MYOCD: variants seen among roughly 807,000 people sequenced by gnomAD.
MYOCD encodes the protein myocardin.
A neutral mutation model predicts 96.1 loss-of-function variants in MYOCD; 32 were observed. The observed-to-expected ratio is 0.33, with a 90% CI of 0.25 to 0.45. The LOEUF is 0.45. Ranked by LOEUF, MYOCD falls within the 20% of genes least tolerant of loss-of-function variation. MYOCD has a pLI of 1.00. For synonymous variants in MYOCD, 469 were observed against 469.0 expected (o/e 1.00, Z 0.00); for missense variants, 1,133 against 1,200.6 (o/e 0.94, Z 0.83).
At chr17:12,727,560 G>A (rs1255101582) in intron 5 of MYOCD, among the ~76,000 whole-genome samples, 2 of 152,156 alleles carry the variant, frequency 1.3e-5, no homozygotes, top group East Asian at 3.9e-4. Context: ...CCCTGTCCAC[G>A]TGCCTTTCCA....
At chr17:12,678,548 G>A (rs1398951542) in intron 1 of MYOCD, among the ~76,000 whole-genome samples, 2 of 152,126 alleles carry the variant, frequency 1.3e-5, no homozygotes, top group Non-Finnish European at 2.9e-5. Context: ...GAGAGAGAGA[G>A]AGAGAAAACA....
chr17:12,689,054 G>A (rs540175873), intron 1 of MYOCD, among the ~76,000 whole-genome samples: 8 of 152,012 alleles, frequency 5.3e-5, no homozygotes, highest in Non-Finnish European at 1.2e-4. Context: ...TCCTATTCCC[G>A]TTATCTTTTC....
At chr17:12,697,359 A>ATATATT (rs1427225443) in intron 1 of MYOCD, among the ~76,000 whole-genome samples, 1 of 75,738 alleles carries the variant, frequency 1.3e-5, no homozygotes, top group Non-Finnish European at 2.3e-5. Flanking sequence ...ATATATATAT[A>ATATATT]TTTTTTTTTT....
chr17:12,747,914 G>A (rs1341466507), intron 9 of MYOCD, among the ~76,000 whole-genome samples: 4 of 147,060 alleles, frequency 2.7e-5, no homozygotes, highest in Non-Finnish European at 4.5e-5. Context: ...GCCTATAATC[G>A]CAGCACTTTG....
intron 5 of MYOCD, among the ~76,000 whole-genome samples, chr17:12,733,178 C>T (rs2032228842): frequency 6.6e-6 from 1 of 151,864 alleles, no homozygotes; most frequent in African/African-American, 2.4e-5. Flanking sequence ...GATGTGGTGG[C>T]AGGTGCCTGT....
intron 1 of MYOCD, among the ~76,000 whole-genome samples, chr17:12,681,388 T>C (rs577349180): frequency 2.6e-5 from 4 of 152,340 alleles, no homozygotes; most frequent in African/African-American, 9.6e-5. Flanking sequence ...AGAATTCCTT[T>C]TGAGGCATGA....
At chr17:12,757,746 G>C (rs2033053427) in intron 11 of MYOCD, among the ~76,000 whole-genome samples, 1 of 151,992 alleles carries the variant, frequency 6.6e-6, no homozygotes, top group African/African-American at 2.4e-5. Context: ...TGCCCACCTC[G>C]GCCTCCCAAA....
chr17:12,725,703 ATTATG>A (rs2031978057), intron 5 of MYOCD, among the ~76,000 whole-genome samples: 2 of 151,362 alleles, frequency 1.3e-5, no homozygotes, highest in Admixed American at 6.6e-5. Flanking sequence ...TATGTTTTAT[ATTATG>A]TTATAATGTC....
intron 12 of MYOCD, 188 bp from the exon 13 acceptor site, chr17:12,760,462 A>G (rs1468908973): frequency 1.8e-6 from 1 of 567,314 alleles, no homozygotes; most frequent in African/African-American, 1.9e-5. Flanking sequence ...AATGTACTTA[A>G]TGCCCCTTAA....
intron 8 of MYOCD, among the ~76,000 whole-genome samples, chr17:12,744,957 G>A (rs1408721820): frequency 6.6e-6 from 1 of 152,202 alleles, no homozygotes; most frequent in East Asian, 1.9e-4. Flanking sequence ...AATAGGTGGA[G>A]GGACTGCTAT....
intron 4 of MYOCD, among the ~76,000 whole-genome samples, chr17:12,721,739 T>C (rs2031846307): frequency 6.6e-6 from 1 of 152,176 alleles, no homozygotes; most frequent in Admixed American, 6.5e-5. Context: ...GAGGGCTTTC[T>C]GAAGATCAGT....
At chr17:12,756,695 CAA>C (rs11307445) in intron 11 of MYOCD, 138 bp downstream of exon 11, 12,891 of 140,338 alleles carry the variant, frequency 0.092, 10 homozygotes, top group Middle Eastern at 0.12. Flanking sequence ...GACTGCATCT[CAA>C]AAAAAAAAAA....
intron 2 of MYOCD, among the ~76,000 whole-genome samples, chr17:12,714,937 C>T (rs992196011): frequency 1.3e-5 from 2 of 152,162 alleles, no homozygotes; most frequent in Non-Finnish European, 2.9e-5. Context: ...ATTCTGTTCA[C>T]GGTTGGAGTT....
At chr17:12,732,116 C>T (rs1341017149) in intron 5 of MYOCD, among the ~76,000 whole-genome samples, 1 of 152,162 alleles carries the variant, frequency 6.6e-6, no homozygotes, top group African/African-American at 2.4e-5. Context: ...GGGGCCTTGG[C>T]ACTCATCCTG....
intron 8 of MYOCD, among the ~76,000 whole-genome samples, chr17:12,745,444 G>C (rs1264353218): frequency 1.3e-5 from 2 of 152,022 alleles, no homozygotes; most frequent in Non-Finnish European, 2.9e-5. Context: ...CCCAACCTCA[G>C]GTGATCCACC....
intron 1 of MYOCD, among the ~76,000 whole-genome samples, chr17:12,668,686 A>G (rs530923939): frequency 6.6e-6 from 1 of 152,116 alleles, no homozygotes; most frequent in African/African-American, 2.4e-5. Context: ...TGGGTTTTTC[A>G]TAGTGGTCTC....
At chr17:12,731,808 A>T (rs2032179891) in intron 5 of MYOCD, among the ~76,000 whole-genome samples, 1 of 152,218 alleles carries the variant, frequency 6.6e-6, no homozygotes, top group Non-Finnish European at 1.5e-5. Context: ...TGTTCATGCC[A>T]AAAGGAAGCC....
At chr17:12,704,582 C>T (rs1020123276) in intron 1 of MYOCD, among the ~76,000 whole-genome samples, 8 of 152,158 alleles carry the variant, frequency 5.3e-5, no homozygotes, top group Admixed American at 1.3e-4. Context: ...ATCAAAATGT[C>T]ATTACATGTG....
rs538122636 is a variant in MYOCD, at chr17:12,704,656, G to C, written c.56-472G>C. The stretch of plus-strand genomic sequence containing the variant: ...TCAAACTTTATGGCAACACCACCAG[G>C]TAGGCATTGTTTTTATTTACAAACG... On this transcript the variant is annotated intron_variant, in intron 1 of 13. Transcript: ENST00000425538. 7.9e-5 allele frequency among the ~76,000 whole-genome samples: 12 copies of C among 152,266 alleles called. No homozygotes were observed. The South Asian group carries it at 2.5e-3, about 32-fold the overall frequency.
Sources: gnomAD v4.1 joint callset for allele counts (sites outside exome capture counted in the v4.1 genomes callset) on GRCh38, gnomAD v4.1.1 for gene constraint, MANE v1.5 for transcripts, NCBI Gene and HGNC (gene_info 2026-07-23, HGNC 2026-07-21) for gene names.